The following MAL variants were observed in gnomAD, a reference collection of about 807,000 sequenced individuals.
MAL encodes the protein myelin and lymphocyte protein.
MAL carries 5 observed loss-of-function variants against 16.7 expected under a neutral mutation model. The ratio of observed to expected loss-of-function variants is 0.30; its 90% CI spans 0.16 to 0.63. The LOEUF is 0.63. MAL is among the 30% of genes least tolerant of loss of function. MAL has a pLI of 0.82. For synonymous variants in MAL, 96 were observed against 85.5 expected (o/e 1.12, Z -0.67); for missense variants, 202 against 195.8 (o/e 1.03, Z -0.19).
Position 95,047,988 on chromosome 2 carries a change from G to A in MAL, c.123G>A (p.Val41=), listed in dbSNP as rs561017528. 3.1e-6 allele frequency: 5 copies of A among 1,613,872 alleles called. No individual in the cohort carries two copies. In the South Asian group the frequency reaches 4.4e-5, roughly 14 times the overall value. The change falls in exon 2 of 4, where the codon GTG becomes GTA. Residue 41 remains valine, a synonymous_variant. Transcript: ENST00000309988. Reference sequence around the variant, plus strand: ...TCGGGGGCCTGGTGTGGATCCTGGTGGCCTCCTCCCTGGTGCCCTGGCCCC... The same window carrying A: ...TCGGGGGCCTGGTGTGGATCCTGGTAGCCTCCTCCCTGGTGCCCTGGCCCC... ...FIFGGLVWIL[V]ASSLVPWPLV...
intron 1 of MAL, among the ~76,000 whole-genome samples, chr2:95,029,365 A>G (rs1335307823): frequency 6.6e-6 from 1 of 152,212 alleles, no homozygotes; most frequent in Non-Finnish European, 1.5e-5. Context: ...ATTGTTTTAC[A>G]TGTTTTCGCA....
chr2:95,052,578 C>G (rs571568287), intron 3 of MAL, among the ~76,000 whole-genome samples: 1 of 152,310 alleles, frequency 6.6e-6, no homozygotes, highest in South Asian at 2.1e-4. Context: ...AAATGGACGT[C>G]GTGCCTGAGC....
intron 1 of MAL, among the ~76,000 whole-genome samples, chr2:95,042,321 C>A (rs1674487388): frequency 6.6e-6 from 1 of 152,226 alleles, no homozygotes. Context: ...GGCAACACAT[C>A]ACGAGGCCTT....
At chr2:95,036,383 A>G (rs913179741) in intron 1 of MAL, among the ~76,000 whole-genome samples, 2 of 152,164 alleles carry the variant, frequency 1.3e-5, no homozygotes, top group African/African-American at 4.8e-5. Flanking sequence ...GACGTTTGGT[A>G]TCTGGTCACC....
At chr2:95,039,814 G>A (rs1370398110) in intron 1 of MAL, among the ~76,000 whole-genome samples, 2 of 152,058 alleles carry the variant, frequency 1.3e-5, no homozygotes, top group African/African-American at 2.4e-5. Flanking sequence ...GAGTTCCTTC[G>A]TACCAGGAGG....
intron 1 of MAL, among the ~76,000 whole-genome samples, chr2:95,046,948 GAGAAAAAAGAAAGAA>G (rs951983661): frequency 3.5e-5 from 5 of 142,326 alleles, no homozygotes; most frequent in Admixed American, 7.3e-5. Flanking sequence ...AAGAAAGAAA[GAGAAAAAAGAAAGAA>G]AGAAAGAAGA....
intron 1 of MAL, among the ~76,000 whole-genome samples, chr2:95,032,832 C>G (rs1183796651): frequency 6.6e-6 from 1 of 152,226 alleles, no homozygotes; most frequent in East Asian, 1.9e-4. Flanking sequence ...CTCTGCAGCA[C>G]TTCTCCCCAG....
At chr2:95,034,823 A>G (rs1674168276) in intron 1 of MAL, among the ~76,000 whole-genome samples, 1 of 152,102 alleles carries the variant, frequency 6.6e-6, no homozygotes, top group Non-Finnish European at 1.5e-5. Context: ...GAGCTAACCC[A>G]TCCCCTCCAC....
chr2:95,040,545 C>A (rs1457935552), intron 1 of MAL, among the ~76,000 whole-genome samples: 3 of 152,206 alleles, frequency 2.0e-5, no homozygotes, highest in Non-Finnish European at 4.4e-5. Flanking sequence ...AGTTGTTTTT[C>A]TGGTCAGATG....
At chr2:95,046,863 G>C (rs764285865) in intron 1 of MAL, among the ~76,000 whole-genome samples, 1 of 150,822 alleles carries the variant, frequency 6.6e-6, no homozygotes, top group Non-Finnish European at 1.5e-5. Flanking sequence ...GAGAGAGAGA[G>C]AGAAAGAGAA....
chr2:95,027,991 A>G (rs1290391456), intron 1 of MAL, among the ~76,000 whole-genome samples: 1 of 152,198 alleles, frequency 6.6e-6, no homozygotes, highest in Admixed American at 6.5e-5. Flanking sequence ...TAACATCATC[A>G]GGCATTAGGA....
chr2:95,037,050 T>C (rs1363086090), intron 1 of MAL, among the ~76,000 whole-genome samples: 1 of 150,212 alleles, frequency 6.7e-6, no homozygotes, highest in Non-Finnish European at 1.5e-5. Context: ...GGTGAGTGAG[T>C]GACTGAGTGG....
chr2:95,028,213 C>A (rs1279862747), intron 1 of MAL, among the ~76,000 whole-genome samples: 4 of 148,634 alleles, frequency 2.7e-5, no homozygotes. Context: ...GTCCCAGCTA[C>A]TCAGCAGGCT....
rs1165421697 is a variant in MAL at position 95,046,833 on chromosome 2, A to AAGAGAGAGAAAGAGAAAGGGAGAG, written c.94-1090_94-1067dup. ...AAAGAAATAATGAGCAAGAGAAAGA[A>AAGAGAGAGAAAGAGAAAGGGAGAG]AGAGAGAGAAAGAGAAAGGGAGAGA... On this transcript the variant is annotated intron_variant, in intron 1 of 3. Transcript: ENST00000309988. Among the ~76,000 whole-genome samples the AAGAGAGAGAAAGAGAAAGGGAGAG allele has an allele frequency of 1.6e-4, 25 of 151,694 alleles. 1 individual carries two copies. Among genetic ancestry groups the AAGAGAGAGAAAGAGAAAGGGAGAG allele is most frequent in the South Asian group, 4.2e-4 (2 of 4,756 alleles).
chr2:95,041,057 C>T (rs1674451431), intron 1 of MAL, among the ~76,000 whole-genome samples: 1 of 152,114 alleles, frequency 6.6e-6, no homozygotes, highest in African/African-American at 2.4e-5. Context: ...TTTGTGGAGG[C>T]CCTAACAGAG....
chr2:95,053,514 C>T lies in MAL; in HGVS notation c.*59C>T, dbSNP rs960394658. The T allele has an allele frequency of 4.9e-5, 65 of 1,335,692 alleles. No homozygotes were observed. The Middle Eastern group carries it at 5.6e-4, about 12-fold the overall frequency. 82.7% of individuals were successfully genotyped at this position (1,335,692 alleles called of 1,614,324 possible). On this transcript the variant is annotated 3_prime_UTR_variant, in exon 4 of 4. Transcript: ENST00000309988. ...GGTGTTAACTGGCCGCCCCACTTTC[C>T]GGCATAACTTTTTAGAAAACAGAAA...
intron 1 of MAL, 49 bp from the exon 2 acceptor site, chr2:95,047,910 G>A (rs1664356053): frequency 1.3e-6 from 2 of 1,579,698 alleles, no homozygotes; most frequent in Non-Finnish European, 8.6e-7. Context: ...CCCTTCCTGG[G>A]CTGGGGCTCT....
At chr2:95,033,101 C>G (rs1674126401) in intron 1 of MAL, among the ~76,000 whole-genome samples, 1 of 152,082 alleles carries the variant, frequency 6.6e-6, no homozygotes, top group African/African-American at 2.4e-5. Context: ...GCTGGAAGGG[C>G]AGGGGGAGGA....
Position 95,025,842 on chromosome 2 carries a change from C to T in MAL, c.50C>T (p.Ser17Leu). ...GGCAGCACCCTGCCCAGTGGCTTCT[C>T]GGTCTTCACCACCTTGCCCGACTTG... Reference protein sequence around the residue: ...TGGSTLPSGFSVFTTLPDLLF... With the variant: ...TGGSTLPSGFLVFTTLPDLLF... The change falls in exon 1 of 4, where the codon TCG becomes TTG. Residue 17 changes from serine to leucine, a missense_variant. Ser to Leu is a moderately radical substitution (Grantham distance 145). Transcript: ENST00000309988. The surrounding 1 kb of genome is among the most constrained non-coding windows in gnomAD (Gnocchi z 5.6). 1.9e-6 allele frequency: 3 copies of T among 1,578,980 alleles called. No homozygotes were observed. The highest frequency in any genetic ancestry group is 2.6e-6 in the Non-Finnish European group (3 of 1,163,390).
Sources: gnomAD v4.1 joint callset for allele counts (sites outside exome capture counted in the v4.1 genomes callset) on GRCh38, gnomAD v4.1.1 for gene constraint, Gnocchi (gnomAD v3.1) non-coding constraint, MANE v1.5 for transcripts, NCBI Gene and HGNC (gene_info 2026-07-23, HGNC 2026-07-21) for gene names.